Variants in RTP2 observed in about 807,000 individuals in gnomAD.
RTP2 encodes the protein receptor-transporting protein 2.
RTP2 carries 12 observed loss-of-function variants against 17.9 expected under a neutral mutation model. The observed-to-expected ratio is 0.67, with a 90% CI of 0.43 to 1.09. The LOEUF is 1.09. RTP2 is among the 50% of genes least tolerant of loss of function. RTP2 has a pLI of 0.00. For missense variants in RTP2, 327 were observed against 295.7 expected (o/e 1.11, Z -0.78); for synonymous variants, 126 against 117.7 (o/e 1.07, Z -0.46).
chr3:187,701,802 TA>T (rs1717853832), intron 1 of RTP2, among the ~76,000 whole-genome samples, 162 bp downstream of exon 1: 1 of 152,160 alleles, frequency 6.6e-6, no homozygotes, highest in Admixed American at 6.5e-5. Context: ...TTGCTAGGAT[TA>T]AAAGCAAGAA....
At chr3:187,708,143 T>C in the RTP2 span, among the ~76,000 whole-genome samples, 18 of 152,356 alleles carry the variant, frequency 1.2e-4, no homozygotes, top group Non-Finnish European at 2.2e-4. Flanking sequence ...AATAGATACA[T>C]TGATGCTTAT....
At chr3:187,709,503 G>A in the RTP2 span, among the ~76,000 whole-genome samples, 2 of 152,148 alleles carry the variant, frequency 1.3e-5, no homozygotes, top group African/African-American at 4.8e-5. Context: ...GGTCAACATA[G>A]TGAAACCCCA....
exon 2 of RTP2, chr3:187,698,301 A>C (rs1851682): frequency 0.58 from 333,586 of 574,284 alleles, 104,100 homozygotes; most frequent in East Asian, 0.77. Flanking sequence ...CCCTTCCCCC[A>C]ATTATTGTCA....
At chr3:187,712,748 C>T in the RTP2 span, among the ~76,000 whole-genome samples, 1 of 152,204 alleles carries the variant, frequency 6.6e-6, no homozygotes, top group East Asian at 1.9e-4. Flanking sequence ...GCGGTCTCAA[C>T]GAATGGTTTA....
chr3:187,712,653 G>T, the RTP2 span, among the ~76,000 whole-genome samples: 1 of 152,114 alleles, frequency 6.6e-6, no homozygotes, highest in Non-Finnish European at 1.5e-5. Flanking sequence ...TCTAAGTCCT[G>T]AGTCCATGCA....
At chr3:187,700,804 C>T (rs1717825264) in intron 1 of RTP2, among the ~76,000 whole-genome samples, 1 of 152,206 alleles carries the variant, frequency 6.6e-6, no homozygotes, top group Admixed American at 6.5e-5. Flanking sequence ...AGAGGCAGAG[C>T]CAGTGCTCAG....
At chr3:187,712,850 G>A in the RTP2 span, among the ~76,000 whole-genome samples, 3 of 152,284 alleles carry the variant, frequency 2.0e-5, no homozygotes, top group East Asian at 1.9e-4. Flanking sequence ...TTCCAAAAGG[G>A]GTCCTGAAGA....
At chr3:187,714,918 A>C in the RTP2 span, among the ~76,000 whole-genome samples, 1 of 152,122 alleles carries the variant, frequency 6.6e-6, no homozygotes, top group African/African-American at 2.4e-5. Flanking sequence ...TTATAGCCTC[A>C]CTATTAGAAA....
exon 1 of RTP2, chr3:187,702,393 G>T (rs1433376349): frequency 1.8e-6 from 1 of 549,016 alleles, no homozygotes; most frequent in African/African-American, 1.9e-5. Context: ...GCAGCGCTGG[G>T]TAGGCCTGAG....
chr3:187,701,636 A>G (rs939192089), intron 1 of RTP2, among the ~76,000 whole-genome samples: 19 of 152,152 alleles, frequency 1.2e-4, no homozygotes, highest in Admixed American at 5.2e-4. Flanking sequence ...ACTTTCCCCA[A>G]TGGACCTCAT....
exon 2 of RTP2, chr3:187,698,692 T>C (rs755946428): frequency 1.2e-6 from 2 of 1,614,124 alleles, no homozygotes. Context: ...CAGTGAACGA[T>C]GCCCTCCTGG....
At chr3:187,699,471 C>T (rs995680620) in intron 1 of RTP2, among the ~76,000 whole-genome samples, 20 of 152,110 alleles carry the variant, frequency 1.3e-4, no homozygotes, top group African/African-American at 4.8e-4. Context: ...ATCTTGCTTA[C>T]TTTGGGGAGA....
the RTP2 span, among the ~76,000 whole-genome samples, chr3:187,714,037 G>A: frequency 6.6e-6 from 1 of 152,154 alleles, no homozygotes; most frequent in African/African-American, 2.4e-5. Context: ...GTCTGTTCTC[G>A]GCCCTCACCC....
intron 1 of RTP2, among the ~76,000 whole-genome samples, chr3:187,699,687 C>A (rs1191937716): frequency 2.0e-5 from 3 of 150,814 alleles, no homozygotes; most frequent in African/African-American, 7.3e-5. Context: ...TCTAGCCCTG[C>A]AGTGGGGACT....
At chr3:187,700,217 C>T (rs1717811271) in intron 1 of RTP2, among the ~76,000 whole-genome samples, 1 of 152,212 alleles carries the variant, frequency 6.6e-6, no homozygotes, top group South Asian at 2.1e-4. Context: ...GGCTCTGACC[C>T]CTGAAAGCCT....
At chr3:187,703,440 C>A (rs1204489536), upstream of RTP2, among the ~76,000 whole-genome samples, 1 of 152,168 alleles carries the variant, frequency 6.6e-6, no homozygotes, top group Non-Finnish European at 1.5e-5. Flanking sequence ...TGCTAAAGAC[C>A]TCAGAAAGGA....
the RTP2 span, among the ~76,000 whole-genome samples, chr3:187,710,359 A>C: frequency 9.3e-5 from 12 of 128,488 alleles, no homozygotes; most frequent in South Asian, 1.4e-3. Context: ...CTCATAATAA[A>C]TGTCTTCCTA....
chr3:187,709,572 C>G, the RTP2 span, among the ~76,000 whole-genome samples: 1 of 152,128 alleles, frequency 6.6e-6, no homozygotes, highest in African/African-American at 2.4e-5. Context: ...GTAATCCCAG[C>G]TACTCAGGAA....
At chr3:187,705,047 A>T (rs1274947231), upstream of RTP2, among the ~76,000 whole-genome samples, 1 of 152,162 alleles carries the variant, frequency 6.6e-6, no homozygotes, top group African/African-American at 2.4e-5. Flanking sequence ...ATTAAGAGTG[A>T]CTATATCTAC....
Sources: allele counts gnomAD v4.1 joint callset (sites outside exome capture counted in the v4.1 genomes callset), GRCh38; gene constraint gnomAD v4.1.1; transcripts MANE v1.5; gene names NCBI Gene and HGNC (gene_info 2026-07-23, HGNC 2026-07-21).